The following SLC38A12 variants were observed in gnomAD, a reference collection of about 807,000 sequenced individuals.
The protein encoded by SLC38A12 is putative sodium-coupled neutral amino acid transporter 12.
the SLC38A12 span, among the ~76,000 whole-genome samples, chr17:74,800,832 G>A: frequency 6.6e-6 from 1 of 152,242 alleles, no homozygotes; most frequent in Non-Finnish European, 1.5e-5. Flanking sequence ...GTGGCCTGGG[G>A]AGGGCCTGGC....
chr17:74,790,343 G>C, the SLC38A12 span: 1 of 1,559,474 alleles, frequency 6.4e-7, no homozygotes, highest in Non-Finnish European at 8.8e-7. Context: ...CCGGGCCACA[G>C]GGTTCCCTTT....
the SLC38A12 span, among the ~76,000 whole-genome samples, chr17:74,781,673 T>C: frequency 2.6e-5 from 4 of 152,332 alleles, no homozygotes; most frequent in South Asian, 8.3e-4. Flanking sequence ...TTTCCCTTCA[T>C]AAGTATTACT....
chr17:74,790,921 AC>A, the SLC38A12 span: 1 of 1,604,604 alleles, frequency 6.2e-7, no homozygotes. Flanking sequence ...CACGTGAAGA[AC>A]CACTTCCTCT....
chr17:74,783,721 CTTTTTTTTTTTTT>C, the SLC38A12 span, among the ~76,000 whole-genome samples: 36 of 104,004 alleles, frequency 3.5e-4, 1 homozygote, highest in Admixed American at 3.2e-3. Context: ...CATGCTTTTT[CTTTTTTTTTTTTT>C]TTTTTTTTTT....
the SLC38A12 span, among the ~76,000 whole-genome samples, chr17:74,786,294 A>G: frequency 6.6e-6 from 1 of 152,130 alleles, no homozygotes; most frequent in African/African-American, 2.4e-5. Context: ...AGGCATTTCC[A>G]TTCTCTCAAC....
At chr17:74,791,075 G>A in the SLC38A12 span, 2 of 1,564,188 alleles carry the variant, frequency 1.3e-6, no homozygotes, top group South Asian at 1.1e-5. Context: ...GGGAAACGGG[G>A]AGCTGGTGCT....
chr17:74,837,674 G>A, the SLC38A12 span: 1 of 985,694 alleles, frequency 1.0e-6, no homozygotes, highest in Non-Finnish European at 1.2e-6. Context: ...ATATCCCTTG[G>A]GCAATGTGGG....
the SLC38A12 span, among the ~76,000 whole-genome samples, chr17:74,835,572 G>A: frequency 6.6e-6 from 1 of 152,250 alleles, no homozygotes; most frequent in Non-Finnish European, 1.5e-5. Context: ...GAGCCCTGGG[G>A]GTCTGATGAG....
the SLC38A12 span, among the ~76,000 whole-genome samples, chr17:74,835,169 C>T: frequency 1.3e-5 from 2 of 152,196 alleles, no homozygotes; most frequent in Admixed American, 1.3e-4. Context: ...ACAGAGGGTC[C>T]CCTGTCCCCT....
the SLC38A12 span, chr17:74,836,742 T>G: frequency 1.3e-6 from 2 of 1,522,306 alleles, no homozygotes; most frequent in Non-Finnish European, 1.8e-6. This position sits in a 1 kb window ranked among gnomAD's most constrained non-coding sequence, Gnocchi z 4.2. Context: ...GCCCCACCCC[T>G]CGCCCGCAGA....
chr17:74,800,631 A>G, the SLC38A12 span, among the ~76,000 whole-genome samples: 10 of 152,364 alleles, frequency 6.6e-5, no homozygotes, highest in East Asian at 1.9e-3. Context: ...AAGTTTGAGG[A>G]GCAGCAGTGA....
chr17:74,836,580 A>G, the SLC38A12 span: 1 of 1,613,144 alleles, frequency 6.2e-7, no homozygotes, highest in Non-Finnish European at 8.5e-7. The surrounding 1 kb of genome is among the most constrained non-coding windows in gnomAD (Gnocchi z 4.2). Flanking sequence ...CAACAAGCAC[A>G]GGTCCCCTTT....
At chr17:74,783,014 C>T in the SLC38A12 span, among the ~76,000 whole-genome samples, 3 of 152,156 alleles carry the variant, frequency 2.0e-5, no homozygotes, top group African/African-American at 7.2e-5. Context: ...GCCTGTAATC[C>T]CAGCTACTCC....
At chr17:74,823,745 C>T in the SLC38A12 span, among the ~76,000 whole-genome samples, 4 of 152,230 alleles carry the variant, frequency 2.6e-5, no homozygotes, top group Admixed American at 1.3e-4. Context: ...ACCGCAGATT[C>T]CTGAGCAATC....
At chr17:74,822,101 G>T in the SLC38A12 span, among the ~76,000 whole-genome samples, 713 of 152,326 alleles carry the variant, frequency 4.7e-3, 4 homozygotes, top group African/African-American at 0.016. Context: ...AAAGGGAAAA[G>T]ATTGTAAAAA....
At chr17:74,802,127 C>T in the SLC38A12 span, among the ~76,000 whole-genome samples, 3 of 152,188 alleles carry the variant, frequency 2.0e-5, no homozygotes, top group South Asian at 6.2e-4. Flanking sequence ...ACTGCCTCCT[C>T]CACCCTCATC....
chr17:74,789,738 G>A, the SLC38A12 span, among the ~76,000 whole-genome samples: 12 of 150,632 alleles, frequency 8.0e-5, no homozygotes, highest in East Asian at 2.0e-4. Flanking sequence ...TCAGCTACTC[G>A]GGAGGCTGAG....
At chr17:74,816,899 C>G in the SLC38A12 span, among the ~76,000 whole-genome samples, 4 of 152,110 alleles carry the variant, frequency 2.6e-5, no homozygotes, top group Non-Finnish European at 4.4e-5. Flanking sequence ...GGCTTTTTAT[C>G]TCTCCTTTTT....
chr17:74,797,582 A>G, the SLC38A12 span, among the ~76,000 whole-genome samples: 3 of 152,156 alleles, frequency 2.0e-5, no homozygotes, highest in African/African-American at 7.2e-5. Flanking sequence ...ATCAAGGCAG[A>G]TGGGCCTTGG....
Sources: allele counts gnomAD v4.1 joint callset (sites outside exome capture counted in the v4.1 genomes callset), GRCh38; gene constraint gnomAD v4.1.1; non-coding constraint Gnocchi (gnomAD v3.1); transcripts MANE v1.5; gene names NCBI Gene and HGNC (gene_info 2026-07-23, HGNC 2026-07-21).